AFF3: variants seen among roughly 807,000 people sequenced by gnomAD.
The protein encoded by AFF3 is ALF transcription elongation factor 3, also known as AF4/FMR2 family member 3.
Under a neutral mutation model 129.7 loss-of-function variants are expected in AFF3, and 32 were observed. The ratio of observed to expected loss-of-function variants is 0.25; its 90% confidence interval spans 0.19 to 0.33. The LOEUF (loss-of-function observed/expected upper bound fraction) is 0.33, where lower values mean the gene tolerates loss of function less well. Ranked by LOEUF, AFF3 falls within the 10% of genes least tolerant of loss-of-function variation. The probability of loss-of-function intolerance (pLI) is 1.00; values close to 1 mark genes in which losing one functional copy is unlikely to be tolerated. For missense variants in AFF3, 1,373 were observed against 1,592.0 expected (o/e 0.86, Z 2.34); for synonymous variants, 644 against 635.4 (o/e 1.01, Z -0.20).
At chr2:99,642,721 G>A (rs1684321035) in intron 13 of AFF3, among the ~76,000 whole-genome samples, 1 of 152,202 alleles carries the variant, frequency 6.6e-6, no homozygotes, top group Non-Finnish European at 1.5e-5. Flanking sequence ...ATTGGTGCTT[G>A]ATGGGAGGCA....
chr2:99,808,172 T>C (rs928996894), intron 8 of AFF3, among the ~76,000 whole-genome samples: 1 of 152,166 alleles, frequency 6.6e-6, no homozygotes, highest in Admixed American at 6.5e-5. Flanking sequence ...TTCCTCCCTC[T>C]TTCCACCTTT....
intron 2 of AFF3, among the ~76,000 whole-genome samples, chr2:100,109,604 G>A (rs1457555824): frequency 2.6e-5 from 4 of 152,162 alleles, no homozygotes; most frequent in Non-Finnish European, 4.4e-5. Flanking sequence ...TCTTCAAGAT[G>A]TGCCCTGGCC....
At chr2:99,598,859 A>T (rs146456550) in intron 14 of AFF3, among the ~76,000 whole-genome samples, 1 of 152,368 alleles carries the variant, frequency 6.6e-6, no homozygotes, top group Non-Finnish European at 1.5e-5. Flanking sequence ...TGCCATTTGC[A>T]GTCTGCAAAC....
At chr2:99,597,728 C>T (rs1679429648) in intron 14 of AFF3, among the ~76,000 whole-genome samples, 2 of 152,264 alleles carry the variant, frequency 1.3e-5, no homozygotes, top group South Asian at 4.1e-4. Context: ...CTGCAGACGC[C>T]AGGCCACTGG....
At chr2:99,875,751 T>C (rs187946113) in intron 7 of AFF3, among the ~76,000 whole-genome samples, 117 of 152,312 alleles carry the variant, frequency 7.7e-4, no homozygotes, top group African/African-American at 2.7e-3. Context: ...GGAAGGCCGG[T>C]GAGCTCAGGG....
At chr2:99,695,962 C>CAAAAAAAAAA (rs1676212587) in intron 11 of AFF3, among the ~76,000 whole-genome samples, 8 of 90,058 alleles carry the variant, frequency 8.9e-5, no homozygotes, top group African/African-American at 4.1e-4. Context: ...AAAAAAAAAC[C>CAAAAAAAAAA]AAAAGAAAAA....
At chr2:99,672,175 TTCTCACACACACACAC>T (rs1687202851) in intron 12 of AFF3, among the ~76,000 whole-genome samples, 3 of 139,630 alleles carry the variant, frequency 2.1e-5, no homozygotes, top group South Asian at 4.8e-4. Flanking sequence ...GCCAGTTAGC[TTCTCACACACACACAC>T]ACACACACAC....
rs758727920 is a variant in AFF3, at chr2:99,602,874, A to T, written c.1185-1253T>A. 1.7e-3 allele frequency among the ~76,000 whole-genome samples: 253 copies of T among 152,214 alleles called. 2 individuals carry two copies. Among genetic ancestry groups the T allele is most frequent in the Non-Finnish European group, 1.2e-3 (81 of 68,042 alleles). ...TGGGTATGGGGGTGGGGATGGAGGT[A>T]ATACTCATTGGAGCTTTGTTTCTAT... On this transcript the variant is annotated intron_variant, in intron 13 of 24. Transcript: ENST00000672756.
chr2:100,006,671 C>G lies in AFF3; in HGVS notation c.834G>C (p.Lys278Asn). 6.2e-7 allele frequency: 1 copy of G among 1,612,460 alleles called. No individual in the cohort carries two copies. The highest frequency in any genetic ancestry group is 1.1e-5 in the South Asian group (1 of 91,070). The change falls in exon 7 of 25, where the codon AAG becomes AAC. Residue 278 changes from lysine to asparagine, a missense_variant. This residue lies in a region of AFF3 where 413 missense variants were observed against 424.4 expected (regional missense o/e 0.97). Coordinates refer to ENST00000672756, the MANE Select transcript of AFF3 (RefSeq NM_001386135.1). ...PASKPEPARA[K>N]AKLSKFSIPK... ...GGATGCTGAACTTGGAGAGCTTGGC[C>G]TTGGCTCTGGCAGGCTCCGGCTTGC... is the stretch of plus-strand genomic sequence containing the variant.
intron 4 of AFF3, among the ~76,000 whole-genome samples, chr2:100,040,679 C>T (rs938751055): frequency 5.9e-5 from 9 of 152,170 alleles, no homozygotes; most frequent in African/African-American, 2.2e-4. Context: ...CTTTGTTCCC[C>T]TGCTACCGAC....
chr2:99,740,954 A>G (rs1456557765), intron 10 of AFF3, among the ~76,000 whole-genome samples: 1 of 152,174 alleles, frequency 6.6e-6, no homozygotes, highest in Non-Finnish European at 1.5e-5. Context: ...TTAAGTCTTT[A>G]ATCCATCTTG....
intron 24 of AFF3, among the ~76,000 whole-genome samples, chr2:99,552,288 G>T (rs1674484086): frequency 6.6e-6 from 1 of 152,218 alleles, no homozygotes; most frequent in Admixed American, 6.5e-5. Context: ...TACTCCGGAG[G>T]CTGAGGTGGG....
chr2:99,849,481 C>A (rs569398259), intron 7 of AFF3, among the ~76,000 whole-genome samples: 2 of 152,132 alleles, frequency 1.3e-5, no homozygotes, highest in Admixed American at 6.5e-5. Flanking sequence ...TATGTCCCTG[C>A]GGTGGGGGCG....
intron 8 of AFF3, among the ~76,000 whole-genome samples, chr2:99,775,355 C>A (rs745840210): frequency 1.9e-4 from 29 of 152,310 alleles, no homozygotes; most frequent in Non-Finnish European, 3.7e-4. Context: ...TACATATACA[C>A]CATGGAATAC....
chr2:99,936,049 T>TC (rs111953354), intron 7 of AFF3, among the ~76,000 whole-genome samples: 18,165 of 152,118 alleles, frequency 0.12, 1,234 homozygotes, highest in Non-Finnish European at 0.13. Flanking sequence ...ACATAAATCT[T>TC]TAAAAAAATC....
chr2:99,646,481 A>G (rs536673929), intron 13 of AFF3, among the ~76,000 whole-genome samples: 11 of 152,276 alleles, frequency 7.2e-5, no homozygotes, highest in Admixed American at 1.3e-4. Flanking sequence ...GAAATTTTAT[A>G]TAAAGAGGTG....
intron 8 of AFF3, among the ~76,000 whole-genome samples, chr2:99,777,947 C>CAAAAAAAAAAAAAAAAAAAAAAAAAGA (rs576434643): frequency 2.1e-5 from 1 of 48,340 alleles, no homozygotes; most frequent in African/African-American, 7.3e-5. Context: ...AAAGCAAAAG[C>CAAAAAAAAAAAAAAAAAAAAAAAAAGA]AAAAAAAAAA....
chr2:99,597,335 A>T (rs1276926612), intron 14 of AFF3, among the ~76,000 whole-genome samples: 1 of 152,228 alleles, frequency 6.6e-6, no homozygotes, highest in Non-Finnish European at 1.5e-5. Context: ...CACTCCAAAC[A>T]GTACTTGTTG....
At chr2:100,118,358 T>C (rs554988946) in intron 2 of AFF3, among the ~76,000 whole-genome samples, 120 of 152,338 alleles carry the variant, frequency 7.9e-4, no homozygotes, top group African/African-American at 2.8e-3. Flanking sequence ...CTGGTTCTAA[T>C]CCTTGTTATG....
Sources: allele counts gnomAD v4.1 joint callset (sites outside exome capture counted in the v4.1 genomes callset), GRCh38; gene constraint gnomAD v4.1.1; regional missense constraint gnomAD v4.1.1; transcripts MANE v1.5; gene names NCBI Gene and HGNC (gene_info 2026-07-23, HGNC 2026-07-21).